TMEM135: variants seen among roughly 807,000 people sequenced by gnomAD.
TMEM135 encodes transmembrane protein 135.
Under a neutral mutation model 60.3 loss-of-function variants are expected in TMEM135, and 30 were observed. That is an observed-to-expected ratio of 0.50 (90% CI 0.37 to 0.68). The LOEUF is 0.68. Ranked by LOEUF, TMEM135 falls within the 30% of genes least tolerant of loss-of-function variation. The pLI, the probability that TMEM135 is intolerant of heterozygous loss-of-function variation, is 0.00. For synonymous variants in TMEM135, 190 were observed against 186.7 expected (o/e 1.02, Z -0.14); for missense variants, 468 against 548.8 (o/e 0.85, Z 1.47).
At chr11:87,197,625 A>G (rs1209962313) in intron 5 of TMEM135, among the ~76,000 whole-genome samples, 1 of 150,866 alleles carries the variant, frequency 6.6e-6, no homozygotes, top group African/African-American at 2.4e-5. Flanking sequence ...TGGTTTACTT[A>G]TGGCCAGTGT....
At chr11:87,299,474 G>A (rs995241345) in intron 7 of TMEM135, among the ~76,000 whole-genome samples, 7 of 152,186 alleles carry the variant, frequency 4.6e-5, no homozygotes, top group Non-Finnish European at 8.8e-5. Context: ...CTCAACATGT[G>A]AGGATTACAA....
intron 12 of TMEM135, among the ~76,000 whole-genome samples, chr11:87,315,991 C>T (rs1942721886): frequency 2.0e-5 from 3 of 151,876 alleles, no homozygotes; most frequent in Admixed American, 2.0e-4. Context: ...TCATCTGGGA[C>T]ATTTTCTGCC....
chr11:87,122,752 C>T (rs748205478), intron 4 of TMEM135, among the ~76,000 whole-genome samples: 15 of 152,134 alleles, frequency 9.9e-5, no homozygotes, highest in South Asian at 2.1e-4. Context: ...TGAGCCACCG[C>T]GCCTGGCCAG....
chr11:87,186,322 C>G (rs919933309), intron 5 of TMEM135, among the ~76,000 whole-genome samples: 5 of 152,156 alleles, frequency 3.3e-5, no homozygotes, highest in Non-Finnish European at 7.3e-5. Flanking sequence ...ATAAGAAGTT[C>G]TAGGTTCATC....
chr11:87,143,569 T>G (rs781152163), intron 4 of TMEM135, among the ~76,000 whole-genome samples: 11 of 152,208 alleles, frequency 7.2e-5, no homozygotes, highest in Non-Finnish European at 1.6e-4. Context: ...TTGCAGAACA[T>G]AACTTAGTGA....
intron 6 of TMEM135, among the ~76,000 whole-genome samples, chr11:87,284,242 T>C (rs1265139130): frequency 6.6e-6 from 1 of 152,220 alleles, no homozygotes; most frequent in African/African-American, 2.4e-5. Context: ...TTTACAACTA[T>C]TTTAAAGTTT....
chr11:87,151,923 G>T (rs1938565060), intron 4 of TMEM135, among the ~76,000 whole-genome samples: 2 of 151,904 alleles, frequency 1.3e-5, no homozygotes, highest in South Asian at 4.2e-4. Flanking sequence ...TCCTACCTCT[G>T]TTTTTTTTCC....
intron 4 of TMEM135, among the ~76,000 whole-genome samples, chr11:87,119,886 A>T (rs11234973): frequency 0.15 from 21,233 of 145,644 alleles, 1,811 homozygotes; most frequent in African/African-American, 0.26. Flanking sequence ...TTACTTTTTT[A>T]AAAAAAAAAA....
chr11:87,286,633 C>G (rs985094140), intron 6 of TMEM135, among the ~76,000 whole-genome samples: 1 of 152,158 alleles, frequency 6.6e-6, no homozygotes, highest in African/African-American at 2.4e-5. Context: ...GGGTGGGGCT[C>G]GGGCATGGTG....
intron 4 of TMEM135, among the ~76,000 whole-genome samples, chr11:87,102,688 G>GTGTGTATATATATATGTATATATA (rs1857483264): frequency 2.4e-5 from 3 of 122,862 alleles, no homozygotes; most frequent in Admixed American, 1.8e-4. Flanking sequence ...ATATATATGT[G>GTGTGTATATATATATGTATATATA]TGTGTATATA....
chr11:87,080,774 C>G (rs1454362536), intron 3 of TMEM135, among the ~76,000 whole-genome samples: 1 of 152,142 alleles, frequency 6.6e-6, no homozygotes, highest in Non-Finnish European at 1.5e-5. Context: ...GCAACCTCCA[C>G]CCACCGGGTT....
intron 5 of TMEM135, among the ~76,000 whole-genome samples, chr11:87,208,679 A>G (rs527422087): frequency 6.6e-6 from 1 of 152,340 alleles, no homozygotes; most frequent in South Asian, 2.1e-4. Flanking sequence ...CAATCTCACT[A>G]GAGAGGTTGA....
intron 11 of TMEM135, 105 bp from the exon 12 acceptor site, chr11:87,314,366 C>T: frequency 1.1e-6 from 1 of 925,362 alleles, no homozygotes; most frequent in Non-Finnish European, 1.7e-6. Flanking sequence ...TGTGTTGTAA[C>T]AAGAGATAGT....
At chr11:87,269,729 T>G (rs952447344) in intron 6 of TMEM135, among the ~76,000 whole-genome samples, 5 of 151,676 alleles carry the variant, frequency 3.3e-5, no homozygotes, top group Non-Finnish European at 5.9e-5. Context: ...CACATTTTCT[T>G]AATCCAGTCT....
chr11:87,306,014 A>T lies in TMEM135; in HGVS notation c.768+9A>T. 6.5e-7 allele frequency: 1 copy of T among 1,545,108 alleles called. No homozygotes were observed. The highest frequency in any genetic ancestry group is 8.9e-7 in the Non-Finnish European group (1 of 1,125,292). On this transcript the variant is annotated intron_variant, in intron 9 of 14. Transcript: ENST00000305494. The stretch of plus-strand genomic sequence containing the variant: ...TCTCTTATTGCATTAAAGTAAGTAT[A>T]TGAAAGTATGTACTTTATTAACAGT...
Position 87,319,392 on chromosome 11 carries a change from A to G in TMEM135, c.1244+15A>G. On this transcript the variant is annotated intron_variant, in intron 14 of 14. Coordinates refer to ENST00000305494, the MANE Select transcript of TMEM135 (RefSeq NM_022918.4). ...ACCAAGGGCAAGTAAGTGACTACGT[A>G]GTTTTCTTAAAAATATTATGAGTGG... The G allele has an allele frequency of 6.3e-7, 1 of 1,589,708 alleles. No individual in the cohort carries two copies. Among genetic ancestry groups the G allele is most frequent in the South Asian group, 1.1e-5 (1 of 90,452 alleles).
chr11:87,309,737 G>A, intron 10 of TMEM135, 65 bp downstream of exon 10: 1 of 1,541,900 alleles, frequency 6.5e-7, no homozygotes, highest in African/African-American at 1.4e-5. Flanking sequence ...TAGAATGAGA[G>A]ATGGCCTTAG....
chr11:87,259,685 A>G (rs1458015045), intron 6 of TMEM135, among the ~76,000 whole-genome samples: 3 of 152,218 alleles, frequency 2.0e-5, no homozygotes, highest in Admixed American at 6.5e-5. Flanking sequence ...GCAAAACAGA[A>G]TATTTTCCCA....
At chr11:87,121,961 A>G (rs2135217029) in intron 4 of TMEM135, among the ~76,000 whole-genome samples, 1 of 152,234 alleles carries the variant, frequency 6.6e-6, no homozygotes, top group South Asian at 2.1e-4. Flanking sequence ...TTAAGGGTAG[A>G]TCATAGTAGG....
Sources: allele counts gnomAD v4.1 joint callset (sites outside exome capture counted in the v4.1 genomes callset), GRCh38; gene constraint gnomAD v4.1.1; transcripts MANE v1.5; gene names NCBI Gene and HGNC (gene_info 2026-07-23, HGNC 2026-07-21).